Variants in GRIA4 observed in about 807,000 individuals in gnomAD.
The protein encoded by GRIA4 is glutamate ionotropic receptor AMPA type subunit 4.
GRIA4 carries 34 observed loss-of-function variants against 104.0 expected under a neutral mutation model. That is an observed-to-expected ratio of 0.33 (90% CI 0.25 to 0.44). The LOEUF (loss-of-function observed/expected upper bound fraction) is 0.44. Among genes scored for constraint, GRIA4 ranks in the 20% least tolerant of loss-of-function variants. The pLI, the probability that GRIA4 is intolerant of heterozygous loss-of-function variation, is 1.00. For synonymous variants in GRIA4, 386 were observed against 381.9 expected (o/e 1.01, Z -0.13); for missense variants, 750 against 1,096.5 (o/e 0.68, Z 4.46).
chr11:105,791,378 C>G (rs1389474850), intron 4 of GRIA4, among the ~76,000 whole-genome samples: 1 of 152,092 alleles, frequency 6.6e-6, no homozygotes, highest in African/African-American at 2.4e-5. Flanking sequence ...CAACAAAAAA[C>G]AATGATTGTG....
At chr11:105,729,047 A>G (rs1938410644) in intron 3 of GRIA4, among the ~76,000 whole-genome samples, 1 of 152,214 alleles carries the variant, frequency 6.6e-6, no homozygotes, top group African/African-American at 2.4e-5. Flanking sequence ...ACACTTCAAA[A>G]AATCAGTGAA....
At chr11:105,897,123 A>G (rs1322705280) in intron 6 of GRIA4, among the ~76,000 whole-genome samples, 1 of 151,996 alleles carries the variant, frequency 6.6e-6, no homozygotes, top group Non-Finnish European at 1.5e-5. Flanking sequence ...GAGGTCTCTA[A>G]CCTTCTTGGT....
chr11:105,854,051 C>T (rs944279267), intron 4 of GRIA4, among the ~76,000 whole-genome samples: 3 of 152,296 alleles, frequency 2.0e-5, no homozygotes, highest in African/African-American at 7.2e-5. Flanking sequence ...TTATCCAAAA[C>T]TATTTATCGA....
chr11:105,960,700 T>C (rs1948721499), intron 14 of GRIA4, among the ~76,000 whole-genome samples: 1 of 152,234 alleles, frequency 6.6e-6, no homozygotes, highest in South Asian at 2.1e-4. Context: ...AGATTCCAGC[T>C]GAGAGGCTGT....
intron 15 of GRIA4, among the ~76,000 whole-genome samples, chr11:105,972,673 T>TA: frequency 6.6e-6 from 1 of 152,074 alleles, no homozygotes; most frequent in Middle Eastern, 3.4e-3. Context: ...AGGAAAAAAA[T>TA]AAAAAATGCA....
intron 14 of GRIA4, among the ~76,000 whole-genome samples, chr11:105,970,335 AT>A (rs1258000589): frequency 6.6e-6 from 1 of 152,078 alleles, no homozygotes; most frequent in East Asian, 1.9e-4. Context: ...ACAAAAAAAA[AT>A]GGGTTTTAGT....
intron 4 of GRIA4, among the ~76,000 whole-genome samples, chr11:105,851,079 A>G (rs962072893): frequency 7.2e-5 from 11 of 152,212 alleles, no homozygotes; most frequent in Non-Finnish European, 1.3e-4. Context: ...AATAAAACTA[A>G]CACCATGCCA....
chr11:105,907,970 G>C (rs1372341674), intron 9 of GRIA4, among the ~76,000 whole-genome samples: 1 of 152,084 alleles, frequency 6.6e-6, no homozygotes, highest in African/African-American at 2.4e-5. Flanking sequence ...CAGGTTTCAA[G>C]ATCTTGAAAC....
intron 3 of GRIA4, among the ~76,000 whole-genome samples, chr11:105,716,361 T>C (rs1954089269): frequency 6.6e-6 from 1 of 152,190 alleles, no homozygotes. Context: ...ATAATGTATA[T>C]AATTCAAATT....
chr11:105,964,864 T>C (rs1948826124), intron 14 of GRIA4, among the ~76,000 whole-genome samples: 1 of 151,582 alleles, frequency 6.6e-6, no homozygotes. Flanking sequence ...TGGGGTGCAA[T>C]GGCACAATCT....
At chr11:105,626,194 C>T (rs1048608881) in intron 3 of GRIA4, among the ~76,000 whole-genome samples, 1 of 151,898 alleles carries the variant, frequency 6.6e-6, no homozygotes, top group African/African-American at 2.4e-5. Flanking sequence ...TAAAGTAAAA[C>T]AAACATAAGG....
intron 3 of GRIA4, among the ~76,000 whole-genome samples, chr11:105,741,019 G>A (rs1336496163): frequency 2.0e-5 from 3 of 152,112 alleles, no homozygotes; most frequent in Admixed American, 1.3e-4. Context: ...AGGAAAACTG[G>A]TAATAGTTAG....
intron 6 of GRIA4, among the ~76,000 whole-genome samples, chr11:105,897,517 C>G (rs1302913637): frequency 6.6e-6 from 1 of 151,898 alleles, no homozygotes; most frequent in Non-Finnish European, 1.5e-5. Context: ...AAGCTTTTGC[C>G]CAGTCAGTAT....
At chr11:105,895,475 T>C (rs1013541627) in intron 6 of GRIA4, among the ~76,000 whole-genome samples, 8 of 151,848 alleles carry the variant, frequency 5.3e-5, no homozygotes, top group Non-Finnish European at 1.0e-4. Flanking sequence ...GATATATAGA[T>C]GGAAGATAGA....
intron 14 of GRIA4, among the ~76,000 whole-genome samples, chr11:105,959,714 T>C (rs1160949074): frequency 6.6e-6 from 1 of 152,192 alleles, no homozygotes; most frequent in African/African-American, 2.4e-5. Flanking sequence ...ATTTTTTCAT[T>C]GATTCTTTCT....
chr11:105,821,072 T>A (rs531071160), intron 4 of GRIA4, among the ~76,000 whole-genome samples: 1 of 152,126 alleles, frequency 6.6e-6, no homozygotes, highest in Non-Finnish European at 1.5e-5. Context: ...CTGTTCAATT[T>A]GAAATTTCAC....
At chr11:105,947,430 C>T (rs1948343274) in intron 14 of GRIA4, among the ~76,000 whole-genome samples, 1 of 152,138 alleles carries the variant, frequency 6.6e-6, no homozygotes, top group Non-Finnish European at 1.5e-5. Context: ...TTGATGTTTA[C>T]ATGGACATTT....
chr11:105,767,406 G>A (rs1445598109), intron 4 of GRIA4, among the ~76,000 whole-genome samples: 1 of 152,044 alleles, frequency 6.6e-6, no homozygotes, highest in Non-Finnish European at 1.5e-5. Flanking sequence ...TGTATATTAT[G>A]TTATTAAAGA....
At chr11:105,712,404 T>TATATAG (rs1423365795) in intron 3 of GRIA4, among the ~76,000 whole-genome samples, 2 of 152,154 alleles carry the variant, frequency 1.3e-5, no homozygotes, top group Admixed American at 6.6e-5. Flanking sequence ...GATCTATCTA[T>TATATAG]ATATAGATAT....
Sources: allele counts gnomAD v4.1 joint callset (sites outside exome capture counted in the v4.1 genomes callset), GRCh38; gene constraint gnomAD v4.1.1; transcripts MANE v1.5; gene names NCBI Gene and HGNC (gene_info 2026-07-23, HGNC 2026-07-21).